LZTS1: variants seen among roughly 807,000 people sequenced by gnomAD.
LZTS1 encodes the protein leucine zipper tumor suppressor 1.
LZTS1 carries 31 observed loss-of-function variants against 45.8 expected under a neutral mutation model. The ratio of observed to expected loss-of-function variants is 0.68; its 90% CI spans 0.51 to 0.91. The LOEUF (loss-of-function observed/expected upper bound fraction) is 0.91, where lower values mean the gene tolerates loss of function less well. LZTS1 is among the 40% of genes least tolerant of loss of function. The probability of loss-of-function intolerance (pLI) is 0.00; values close to 1 mark genes in which losing one functional copy is unlikely to be tolerated. For missense variants in LZTS1, 821 were observed against 788.9 expected (o/e 1.04, Z -0.49); for synonymous variants, 359 against 357.3 (o/e 1.00, Z -0.05).
intron 1 of LZTS1, among the ~76,000 whole-genome samples, chr8:20,295,599 G>T (rs1800966310): frequency 6.6e-6 from 1 of 152,152 alleles, no homozygotes; most frequent in African/African-American, 2.4e-5. Flanking sequence ...CTTTCAAGGG[G>T]CTTATAACCT....
intron 1 of LZTS1, among the ~76,000 whole-genome samples, chr8:20,287,753 C>A (rs1408279697): frequency 6.6e-6 from 1 of 151,944 alleles, no homozygotes; most frequent in Non-Finnish European, 1.5e-5. Flanking sequence ...ATGGTGCAAC[C>A]CCATCTCTAC....
At chr8:20,260,551 G>A (rs1800206035) in intron 1 of LZTS1, among the ~76,000 whole-genome samples, 1 of 152,166 alleles carries the variant, frequency 6.6e-6, no homozygotes, top group African/African-American at 2.4e-5. Context: ...AGATGTTAGG[G>A]TTTCTGTCCC....
Position 20,252,895 on chromosome 8 carries a change from G to C in LZTS1, c.1036C>G (p.Arg346Gly), listed in dbSNP as rs148775156. The change falls in exon 3 of 4, where the codon CGG becomes GGG. Residue 346 changes from arginine (R) to glycine (G), a missense_variant. Physicochemically the swap from Arg to Gly is moderately radical, Grantham distance 125. Coordinates refer to ENST00000381569, the MANE Select transcript of LZTS1 (RefSeq NM_021020.5). ...LQLQQEKRQL[R>G]QELESLMKEQ... is the part of the protein sequence containing the mutation. Reference sequence around the variant, plus strand: ...TTCATGAGGCTCTCGAGCTCCTGCCGGAGCTGCCGCTTCTCCTGCTGAAGC... The same window carrying C: ...TTCATGAGGCTCTCGAGCTCCTGCCCGAGCTGCCGCTTCTCCTGCTGAAGC... 2,700 of 1,610,516 alleles carry C rather than the reference G, an allele frequency of 1.7e-3. 6 individuals carry two copies. Among genetic ancestry groups the C allele is most frequent in the Admixed American group, 3.0e-3 (180 of 59,896 alleles).
intron 1 of LZTS1, among the ~76,000 whole-genome samples, chr8:20,288,783 C>G (rs535709022): frequency 6.6e-6 from 1 of 152,238 alleles, no homozygotes; most frequent in Admixed American, 6.5e-5. Context: ...CCTCTGCCTC[C>G]CCTGCGTCTT....
chr8:20,293,350 A>G (rs1358566317), intron 1 of LZTS1, among the ~76,000 whole-genome samples: 1 of 152,180 alleles, frequency 6.6e-6, no homozygotes, highest in East Asian at 1.9e-4. Flanking sequence ...CCTTTCTAGA[A>G]AGGTTTCTTT....
chr8:20,269,080 GCCCTTCC>G (rs1342749160), intron 1 of LZTS1, among the ~76,000 whole-genome samples: 2 of 152,178 alleles, frequency 1.3e-5, no homozygotes, highest in African/African-American at 4.8e-5. Context: ...ATCCCAGCCT[GCCCTTCC>G]CCCTTCCAAA....
At chr8:20,280,580 C>T (rs1234713425) in intron 1 of LZTS1, among the ~76,000 whole-genome samples, 1 of 152,196 alleles carries the variant, frequency 6.6e-6, no homozygotes, top group East Asian at 1.9e-4. Flanking sequence ...AAAGCAGCAC[C>T]GCCTGAATGT....
chr8:20,287,563 C>T (rs1002176387), intron 1 of LZTS1, among the ~76,000 whole-genome samples: 2 of 152,114 alleles, frequency 1.3e-5, no homozygotes, highest in African/African-American at 4.8e-5. Context: ...GTCTTCAGGG[C>T]AGGGAGGTTA....
chr8:20,276,257 T>TTC (rs1387355817), intron 1 of LZTS1, among the ~76,000 whole-genome samples: 1 of 151,862 alleles, frequency 6.6e-6, no homozygotes, highest in East Asian at 1.9e-4. Flanking sequence ...TTTTTTTTTT[T>TTC]TTTGACTGAT....
At chr8:20,303,027 G>C (rs1306828997) in intron 1 of LZTS1, among the ~76,000 whole-genome samples, 2 of 152,110 alleles carry the variant, frequency 1.3e-5, no homozygotes, top group African/African-American at 4.8e-5. Context: ...GTGAGGTCTG[G>C]CTGCCTAGGG....
In LZTS1 at chr8:20,250,130, C is replaced by T. The variant is rs35939758; in HGVS notation, c.1383G>A (p.Ala461=). The part of the protein sequence containing the change: ...ENELQRKKNE[A]ELLREKVNLL... ...GGTTCACCTTCTCCCGCAGCAGCTC[C>T]GCCTCGTTCTTCTTGCGCTGCAGCT... The change falls in exon 4 of 4, where the codon GCG becomes GCA. Residue 461 remains alanine, a synonymous_variant. Transcript: ENST00000381569. 20 of 1,607,814 alleles carry T rather than the reference C, an allele frequency of 1.2e-5. No individual in the cohort carries two copies. Among genetic ancestry groups the T allele is most frequent in the African/African-American group, 5.3e-5 (4 of 75,028 alleles).
intron 1 of LZTS1, chr8:20,290,483 C>T (rs911781289): frequency 6.6e-6 from 1 of 152,238 alleles, no homozygotes; most frequent in Non-Finnish European, 1.5e-5. Context: ...CGTAGGAGGA[C>T]TCGTATATGT....
chr8:20,275,633 G>T (rs11778006), intron 1 of LZTS1: 50,907 of 152,116 alleles, frequency 0.33, 10,031 homozygotes, highest in Non-Finnish European at 0.43. Flanking sequence ...GGACGAGGAA[G>T]ATGGAAAGTG....
chr8:20,249,922 C>A lies in LZTS1; in HGVS notation c.1591G>T (p.Val531Leu). 6.2e-7 allele frequency: 1 copy of A among 1,614,094 alleles called. No individual in the cohort carries two copies. Among genetic ancestry groups the A allele is most frequent in the Non-Finnish European group, 8.5e-7 (1 of 1,180,012 alleles). The change falls in exon 4 of 4, where the codon GTG becomes TTG. Residue 531 changes from valine (V) to leucine (L), a missense_variant. Physicochemically the swap from Val to Leu is conservative, Grantham distance 32. Coordinates refer to ENST00000381569, the MANE Select transcript of LZTS1 (RefSeq NM_021020.5). ...ACCTTCTCCTTCTCCTCCTTCCACA[C>A]GAGCCGCTCATGCTGGAAGCCCGAG... ...MSSGFQHERL[V>L]WKEEKEKVIQ...
At position 20,249,624 on chromosome 8, in the gene LZTS1, G is replaced by T; in HGVS notation, c.*98C>A. On this transcript the variant is annotated 3_prime_UTR_variant, in exon 4 of 4. Transcript: ENST00000381569. ...CTGGGTCTGTGTCCCAGGGAGTGGC[G>T]TCTCTCAGAGGGGTCTGAATTGCTG... 7.0e-7 allele frequency: 1 copy of T among 1,434,550 alleles called. No individual in the cohort carries two copies. Among genetic ancestry groups the T allele is most frequent in the Non-Finnish European group, 9.3e-7 (1 of 1,072,522 alleles). 88.9% of individuals were successfully genotyped at this position (1,434,550 alleles called of 1,614,324 possible).
At chr8:20,253,724 AGCAGACCTTGCCTGTTGCTTTG>A in intron 2 of LZTS1, 139 bp from the exon 3 acceptor site, 1 of 600,362 alleles carries the variant, frequency 1.7e-6, no homozygotes, top group Non-Finnish European at 2.7e-6. Flanking sequence ...CAATTGTCTC[AGCAGACCTTGCCTGTTGCTTTG>A]AAGCAGCTGA....
chr8:20,300,753 A>T (rs1801061732), intron 1 of LZTS1, among the ~76,000 whole-genome samples: 1 of 152,150 alleles, frequency 6.6e-6, no homozygotes, highest in Non-Finnish European at 1.5e-5. Flanking sequence ...AGGGACTCTG[A>T]GGAAGGTACC....
chr8:20,289,012 A>G (rs969029360), intron 1 of LZTS1, among the ~76,000 whole-genome samples: 20 of 116,684 alleles, frequency 1.7e-4, no homozygotes, highest in Non-Finnish European at 3.3e-4. Context: ...TTTTTTAGAC[A>G]TATGGGACTT....
chr8:20,300,788 G>A (rs1412442565), intron 1 of LZTS1, among the ~76,000 whole-genome samples: 2 of 152,122 alleles, frequency 1.3e-5, no homozygotes, highest in African/African-American at 4.8e-5. Flanking sequence ...GGAAAAAACA[G>A]AGGAAACTTT....
Sources: allele counts gnomAD v4.1 joint callset (sites outside exome capture counted in the v4.1 genomes callset), GRCh38; gene constraint gnomAD v4.1.1; transcripts MANE v1.5; gene names NCBI Gene and HGNC (gene_info 2026-07-23, HGNC 2026-07-21).